Variants in NOL4 observed in about 807,000 individuals in gnomAD.
NOL4 encodes the protein cancer/testis antigen 125.
NOL4 carries 17 observed loss-of-function variants against 75.9 expected under a neutral mutation model. That is an observed-to-expected ratio of 0.22 (90% CI 0.15 to 0.34). NOL4 has a LOEUF of 0.34. Among genes scored for constraint, NOL4 ranks in the 10% least tolerant of loss-of-function variants. The pLI, the probability that NOL4 is intolerant of heterozygous loss-of-function variation, is 1.00. For synonymous variants in NOL4, 292 were observed against 289.9 expected, an observed-to-expected ratio of 1.01 and a Z score of -0.07; for missense variants, 614 against 793.5, an observed-to-expected ratio of 0.77 and a Z score of 2.72.
At chr18:34,215,957 G>A (rs2036857456) in intron 1 of NOL4, among the ~76,000 whole-genome samples, 1 of 152,084 alleles carries the variant, frequency 6.6e-6, no homozygotes, top group Non-Finnish European at 1.5e-5. Context: ...TCTAGATTAT[G>A]CAGTTTATCT....
chr18:34,107,504 G>A (rs1333722562), intron 2 of NOL4, among the ~76,000 whole-genome samples: 1 of 151,492 alleles, frequency 6.6e-6, no homozygotes, highest in Non-Finnish European at 1.5e-5. Flanking sequence ...CATGTTATAG[G>A]GACACCTGCC....
chr18:33,875,288 C>CTGCT (rs1283877551), intron 10 of NOL4, among the ~76,000 whole-genome samples: 1 of 152,014 alleles, frequency 6.6e-6, no homozygotes, highest in African/African-American at 2.4e-5. Flanking sequence ...GGAGGATTGG[C>CTGCT]TGCTTGCTTG....
intron 1 of NOL4, among the ~76,000 whole-genome samples, chr18:34,137,781 C>T (rs12373383): frequency 5.9e-3 from 231 of 38,840 alleles, no homozygotes; most frequent in African/African-American, 0.02. Flanking sequence ...ATACGAAATA[C>T]ACACACACAC....
intron 1 of NOL4, among the ~76,000 whole-genome samples, chr18:34,200,899 G>A (rs1458963253): frequency 6.6e-6 from 1 of 151,726 alleles, no homozygotes; most frequent in Non-Finnish European, 1.5e-5. Context: ...CAATAAGACA[G>A]TTCCTTAGAG....
intron 9 of NOL4, among the ~76,000 whole-genome samples, chr18:33,926,085 G>A (rs748486936): frequency 7.9e-5 from 12 of 152,108 alleles, no homozygotes; most frequent in Middle Eastern, 3.4e-3. Flanking sequence ...TCTTAGGCCC[G>A]GTGTGGTGGC....
At chr18:33,927,005 CT>C (rs966672741) in intron 9 of NOL4, among the ~76,000 whole-genome samples, 1 of 152,018 alleles carries the variant, frequency 6.6e-6, no homozygotes, top group African/African-American at 2.4e-5. Context: ...GCTCTCTGTC[CT>C]TTTTCCAGAA....
chr18:33,903,241 C>T (rs892293465), intron 9 of NOL4, among the ~76,000 whole-genome samples: 1 of 152,068 alleles, frequency 6.6e-6, no homozygotes, highest in Non-Finnish European at 1.5e-5. Flanking sequence ...AGAGAGTGCA[C>T]AGGGGGAAAC....
At chr18:33,987,758 G>A (rs1285958228) in intron 6 of NOL4, among the ~76,000 whole-genome samples, 1 of 152,080 alleles carries the variant, frequency 6.6e-6, no homozygotes, top group Non-Finnish European at 1.5e-5. Flanking sequence ...TCTTTTCCCA[G>A]TATACGGTTG....
At chr18:33,971,863 G>T (rs2071089534) in intron 6 of NOL4, among the ~76,000 whole-genome samples, 1 of 151,816 alleles carries the variant, frequency 6.6e-6, no homozygotes, top group South Asian at 2.1e-4. Flanking sequence ...ATTAACATTT[G>T]AACCAAAAAT....
At chr18:34,191,488 T>C (rs2034911794) in intron 1 of NOL4, among the ~76,000 whole-genome samples, 1 of 152,128 alleles carries the variant, frequency 6.6e-6, no homozygotes, top group South Asian at 2.1e-4. Flanking sequence ...GTCAAGAAGG[T>C]ATCATCATGA....
intron 1 of NOL4, among the ~76,000 whole-genome samples, chr18:34,205,219 G>C (rs889842402): frequency 1.3e-5 from 2 of 152,082 alleles, no homozygotes; most frequent in African/African-American, 4.8e-5. Context: ...ATGAACAATA[G>C]ACCTGAAGGA....
At chr18:34,086,724 A>G (rs573986407) in intron 5 of NOL4, among the ~76,000 whole-genome samples, 2 of 152,230 alleles carry the variant, frequency 1.3e-5, no homozygotes, top group African/African-American at 2.4e-5. Flanking sequence ...CTGGGCAGTA[A>G]AAACAGCATT....
intron 1 of NOL4, among the ~76,000 whole-genome samples, chr18:34,187,569 A>T (rs1413931476): frequency 6.6e-6 from 1 of 151,840 alleles, no homozygotes; most frequent in South Asian, 2.1e-4. Flanking sequence ...TGTATTTTTT[A>T]GTAGAGACGG....
At chr18:33,992,561 C>T (rs1247466985) in intron 6 of NOL4, among the ~76,000 whole-genome samples, 1 of 152,026 alleles carries the variant, frequency 6.6e-6, no homozygotes, top group Non-Finnish European at 1.5e-5. Context: ...ATCACTCTCA[C>T]AACAACCCCC....
At chr18:34,193,372 T>C (rs537286419) in intron 1 of NOL4, among the ~76,000 whole-genome samples, 1 of 152,082 alleles carries the variant, frequency 6.6e-6, no homozygotes, top group African/African-American at 2.4e-5. Flanking sequence ...ATTAAAGGGG[T>C]TAATATCCAA....
At chr18:34,163,918 G>T (rs992579560) in intron 1 of NOL4, among the ~76,000 whole-genome samples, 1 of 152,122 alleles carries the variant, frequency 6.6e-6, no homozygotes, top group Non-Finnish European at 1.5e-5. Flanking sequence ...ACGGAACAGA[G>T]CCCTCAGAAA....
chr18:33,953,843 T>C (rs1288569014), intron 8 of NOL4, among the ~76,000 whole-genome samples: 1 of 152,142 alleles, frequency 6.6e-6, no homozygotes, highest in East Asian at 1.9e-4. Flanking sequence ...CATTTGTAAT[T>C]GTGGTTAGGG....
intron 1 of NOL4, among the ~76,000 whole-genome samples, chr18:34,199,494 C>T (rs1023403552): frequency 1.3e-5 from 2 of 151,848 alleles, no homozygotes; most frequent in Non-Finnish European, 3.0e-5. Flanking sequence ...TAAAGTGCTC[C>T]TTAAGGGAAA....
intron 6 of NOL4, among the ~76,000 whole-genome samples, chr18:34,000,927 C>A (rs1399578519): frequency 1.3e-5 from 2 of 152,064 alleles, no homozygotes; most frequent in Non-Finnish European, 2.9e-5. Context: ...ATGGTGATTT[C>A]ATACTGAATT....
Sources: gnomAD v4.1 joint callset for allele counts (sites outside exome capture counted in the v4.1 genomes callset) on GRCh38, gnomAD v4.1.1 for gene constraint, MANE v1.5 for transcripts, NCBI Gene and HGNC (gene_info 2026-07-23, HGNC 2026-07-21) for gene names.